The following SNAP23 variants were observed in gnomAD, a reference collection of about 807,000 sequenced individuals.
SNAP23 encodes synaptosome associated protein 23.
SNAP23 carries 11 observed loss-of-function variants against 29.0 expected under a neutral mutation model. That is an observed-to-expected ratio of 0.38 (90% CI 0.24 to 0.63). The LOEUF is 0.63. Among genes scored for constraint, SNAP23 ranks in the 20% least tolerant of loss-of-function variants. SNAP23 has a pLI of 0.58. For synonymous variants in SNAP23, 60 were observed against 82.9 expected (o/e 0.72, Z 1.50); for missense variants, 220 against 253.9 (o/e 0.87, Z 0.91).
At chr15:42,507,651 G>A (rs961378536) in intron 1 of SNAP23, among the ~76,000 whole-genome samples, 11 of 152,100 alleles carry the variant, frequency 7.2e-5, no homozygotes, top group South Asian at 4.1e-4. Flanking sequence ...TCCTGATTCC[G>A]TAAGGAAAAT....
chr15:42,521,458 G>A lies in SNAP23; in HGVS notation c.266+6104G>A, dbSNP rs557870606. On this transcript the variant is annotated intron_variant, in intron 5 of 7. Coordinates refer to ENST00000249647, the MANE Select transcript of SNAP23 (RefSeq NM_003825.4). ...TTTCTTTTTATCTAGATTCTCAGAT[G>A]TTGGTTGTTTCTATGAAACCAGGCA... The A allele has an allele frequency of 1.0e-4, 102 of 982,732 alleles. No individual in the cohort carries two copies. In the South Asian group the frequency reaches 4.2e-3, roughly 41 times the overall value. 60.9% of individuals were successfully genotyped at this position (982,732 alleles called of 1,614,324 possible).
chr15:42,506,717 T>A (rs567697731), intron 1 of SNAP23, among the ~76,000 whole-genome samples: 2 of 152,176 alleles, frequency 1.3e-5, no homozygotes, highest in Non-Finnish European at 2.9e-5. Context: ...AATTTTGAAA[T>A]GAGCCATCAT....
At chr15:42,501,540 C>T (rs940335558) in intron 1 of SNAP23, among the ~76,000 whole-genome samples, 1 of 151,954 alleles carries the variant, frequency 6.6e-6, no homozygotes, top group Non-Finnish European at 1.5e-5. Flanking sequence ...GCTGGGACTA[C>T]AGGTGCACGC....
intron 1 of SNAP23, chr15:42,504,993 A>C (rs1325606445): frequency 2.0e-5 from 3 of 152,230 alleles, no homozygotes; most frequent in African/African-American, 7.2e-5. Context: ...ATAAGGCAGG[A>C]AACTAATTTG....
At chr15:42,511,777 T>G in intron 1 of SNAP23, 56 bp from the exon 2 acceptor site, 1 of 1,101,186 alleles carries the variant, frequency 9.1e-7, no homozygotes, top group Non-Finnish European at 1.3e-6. Flanking sequence ...TCACACAAAC[T>G]TTTATATATC....
chr15:42,516,594 G>A (rs903216947), intron 5 of SNAP23, among the ~76,000 whole-genome samples: 3 of 152,140 alleles, frequency 2.0e-5, no homozygotes, highest in Non-Finnish European at 4.4e-5. Context: ...CTCCTCAAGT[G>A]CTGGGATTAC....
intron 4 of SNAP23, 53 bp from the exon 5 acceptor site, chr15:42,515,184 T>C: frequency 5.5e-6 from 6 of 1,085,530 alleles, no homozygotes; most frequent in Non-Finnish European, 8.2e-6. Context: ...TAGCATTTTC[T>C]GGTTGACACT....
At chr15:42,496,339 C>G (rs2057219530) in intron 1 of SNAP23, among the ~76,000 whole-genome samples, 1 of 152,060 alleles carries the variant, frequency 6.6e-6, no homozygotes, top group Non-Finnish European at 1.5e-5. Flanking sequence ...AAAAAAAAGT[C>G]AAGAAGGGAG....
intron 5 of SNAP23, chr15:42,528,060 T>C: frequency 2.1e-6 from 1 of 472,274 alleles, no homozygotes; most frequent in South Asian, 4.3e-5. Context: ...TTAAAATTTT[T>C]TTTAGTGTCA....
chr15:42,517,813 C>A (rs999311397), intron 5 of SNAP23, among the ~76,000 whole-genome samples: 1 of 152,100 alleles, frequency 6.6e-6, no homozygotes, highest in African/African-American at 2.4e-5. Flanking sequence ...TGGGCTCAAG[C>A]AATCCACCCA....
chr15:42,498,790 C>A (rs1027029622), intron 1 of SNAP23, among the ~76,000 whole-genome samples: 1 of 152,146 alleles, frequency 6.6e-6, no homozygotes, highest in Non-Finnish European at 1.5e-5. Flanking sequence ...AGAGAAACAC[C>A]TTACATTGCC....
At chr15:42,512,849 C>T (rs2057368053) in intron 2 of SNAP23, 106 bp from the exon 3 acceptor site, 1 of 809,396 alleles carries the variant, frequency 1.2e-6, no homozygotes, top group Non-Finnish European at 2.1e-6. Context: ...TGTGCCCGGC[C>T]TGAGCTGGCA....
intron 1 of SNAP23, among the ~76,000 whole-genome samples, chr15:42,501,885 C>T (rs2057273621): frequency 6.6e-6 from 1 of 152,146 alleles, no homozygotes; most frequent in Non-Finnish European, 1.5e-5. Context: ...GAAAAGTTAA[C>T]AGTAATCAGG....
At chr15:42,509,297 G>A (rs1305185104) in intron 1 of SNAP23, among the ~76,000 whole-genome samples, 2 of 152,098 alleles carry the variant, frequency 1.3e-5, no homozygotes, top group Non-Finnish European at 2.9e-5. Flanking sequence ...TCTAATGAAT[G>A]ATATCTTTAT....
At chr15:42,508,276 A>G (rs1380256591) in intron 1 of SNAP23, among the ~76,000 whole-genome samples, 2 of 149,310 alleles carry the variant, frequency 1.3e-5, no homozygotes, top group Non-Finnish European at 1.5e-5. Context: ...AAAAAAAAAA[A>G]AGAAAGAAAG....
intron 5 of SNAP23, among the ~76,000 whole-genome samples, chr15:42,525,367 CAAA>C (rs1208171591): frequency 1.7e-5 from 1 of 60,374 alleles, no homozygotes; most frequent in Admixed American, 2.0e-4. Context: ...GACTCCGTCT[CAAA>C]AAAAAAAAAA....
intron 1 of SNAP23, among the ~76,000 whole-genome samples, chr15:42,503,637 T>G (rs902197625): frequency 7.9e-5 from 12 of 152,152 alleles, no homozygotes; most frequent in Admixed American, 6.6e-5. Context: ...CCCAAAGTGC[T>G]AGGATTACAG....
intron 5 of SNAP23, among the ~76,000 whole-genome samples, chr15:42,524,095 T>C (rs887169170): frequency 6.6e-6 from 1 of 151,838 alleles, no homozygotes; most frequent in Non-Finnish European, 1.5e-5. Flanking sequence ...GGATTACAGG[T>C]GTGAGCCACC....
intron 5 of SNAP23, among the ~76,000 whole-genome samples, chr15:42,525,802 A>G (rs2057496972): frequency 6.6e-6 from 1 of 152,030 alleles, no homozygotes; most frequent in African/African-American, 2.4e-5. Flanking sequence ...TTGATAACCA[A>G]TCTGATTCTT....
Sources: allele counts gnomAD v4.1 joint callset (sites outside exome capture counted in the v4.1 genomes callset), GRCh38; gene constraint gnomAD v4.1.1; transcripts MANE v1.5; gene names NCBI Gene and HGNC (gene_info 2026-07-23, HGNC 2026-07-21).